PPP6R3: variants seen among roughly 807,000 people sequenced by gnomAD.
The protein encoded by PPP6R3 is serine/threonine-protein phosphatase 6 regulatory subunit 3.
PPP6R3 carries 38 observed loss-of-function variants against 110.7 expected under a neutral mutation model. That is an observed-to-expected ratio of 0.34 (90% CI 0.26 to 0.45). The LOEUF is 0.45. Ranked by LOEUF, PPP6R3 falls within the 20% of genes least tolerant of loss-of-function variation. The probability of loss-of-function intolerance (pLI) is 1.00; values close to 1 mark genes in which losing one functional copy is unlikely to be tolerated. For synonymous variants in PPP6R3, 369 were observed against 373.5 expected (o/e 0.99, Z 0.14); for missense variants, 870 against 1,062.4 (o/e 0.82, Z 2.52).
rs1190682827 is a variant in PPP6R3 at position 68,612,555 on chromosome 11, T to C, written c.2571-511T>C. 2.0e-5 allele frequency among the ~76,000 whole-genome samples: 3 copies of C among 152,004 alleles called. No homozygotes were observed. In the East Asian group the frequency reaches 5.8e-4, roughly 29 times the overall value. ...AGCCTAACATTTGCTTTGTGGGACA[T>C]GTTCTTCAAGTGGACACCTTTTTTT... is the stretch of plus-strand genomic sequence containing the variant. On this transcript the variant is annotated intron_variant, in intron 23 of 23. Coordinates refer to ENST00000393800, the MANE Select transcript of PPP6R3 (RefSeq NM_001164161.2).
rs965135252 is a variant in PPP6R3 at position 68,609,730 on chromosome 11, C to T, written c.2451-174C>T. 4 of 1,555,526 alleles carry T rather than the reference C, an allele frequency of 2.6e-6. No individual in the cohort carries two copies. The East Asian group carries it at 6.7e-5, about 26-fold the overall frequency. On this transcript the variant is annotated intron_variant, in intron 22 of 23. Coordinates refer to ENST00000393800, the MANE Select transcript of PPP6R3 (RefSeq NM_001164161.2). ...TGTGCGACCCTTTCCTTTTGTGATT[C>T]CCCAGTCACTGTCTGTGGTTGTGTG...
intron 3 of PPP6R3, among the ~76,000 whole-genome samples, chr11:68,542,387 C>CTGTTTTTTTTTTT (rs2099321478): frequency 2.4e-4 from 1 of 4,238 alleles, no homozygotes; most frequent in African/African-American, 7.9e-4. Flanking sequence ...TGAGAAGCTG[C>CTGTTTTTTTTTTT]TGTTTTTTTT....
In PPP6R3 at chr11:68,578,191, A is replaced by G. The variant is rs182208677; in HGVS notation, c.1545+2148A>G. Among the ~76,000 whole-genome samples the G allele has an allele frequency of 1.6e-4, 24 of 152,082 alleles. No homozygotes were observed. The East Asian group carries it at 2.1e-3, about 13-fold the overall frequency. Reference sequence around the variant, plus strand: ...TTTAATCGTATCCTCCAGGCCATTCATTTTCCTGTCCAGAATGTGTTCAAG... The same window carrying G: ...TTTAATCGTATCCTCCAGGCCATTCGTTTTCCTGTCCAGAATGTGTTCAAG... On this transcript the variant is annotated intron_variant, in intron 14 of 23. Coordinates refer to ENST00000393800, the MANE Select transcript of PPP6R3 (RefSeq NM_001164161.2).
At chr11:68,521,772 A>G (rs1034740582) in intron 2 of PPP6R3, among the ~76,000 whole-genome samples, 1 of 152,194 alleles carries the variant, frequency 6.6e-6, no homozygotes, top group Non-Finnish European at 1.5e-5. Flanking sequence ...AGGCTTTGTT[A>G]TTGGTGAGAT....
chr11:68,464,398 G>C (rs1486229493), intron 1 of PPP6R3, among the ~76,000 whole-genome samples: 9 of 152,170 alleles, frequency 5.9e-5, no homozygotes, highest in Non-Finnish European at 1.5e-5. Flanking sequence ...CAAAGTGCTG[G>C]GATTACAGGT....
chr11:68,604,531 A>G (rs920393638), intron 22 of PPP6R3, among the ~76,000 whole-genome samples: 5 of 152,250 alleles, frequency 3.3e-5, no homozygotes, highest in Admixed American at 6.5e-5. Flanking sequence ...ATTTGTCTTC[A>G]GCACTGTGCT....
At chr11:68,523,519 TC>T (rs908723413) in intron 2 of PPP6R3, among the ~76,000 whole-genome samples, 10 of 151,602 alleles carry the variant, frequency 6.6e-5, no homozygotes, top group Non-Finnish European at 1.3e-4. Flanking sequence ...TTTTTGTGAG[TC>T]CCCCTCCTCC....
intron 2 of PPP6R3, among the ~76,000 whole-genome samples, chr11:68,520,420 G>A (rs1158488348): frequency 1.3e-5 from 2 of 152,172 alleles, no homozygotes; most frequent in African/African-American, 4.8e-5. Flanking sequence ...TTGTTACCAC[G>A]GCTGCAAAGC....
chr11:68,490,286 A>C (rs2098975589), intron 1 of PPP6R3, among the ~76,000 whole-genome samples: 1 of 152,146 alleles, frequency 6.6e-6, no homozygotes, highest in African/African-American at 2.4e-5. Flanking sequence ...GGTTTCTAAG[A>C]AGTTAGATGT....
In PPP6R3 at chr11:68,614,754, C is replaced by T; in HGVS notation, c.*1637C>T. On this transcript the variant is annotated 3_prime_UTR_variant, in exon 24 of 24. Coordinates refer to ENST00000393800, the MANE Select transcript of PPP6R3 (RefSeq NM_001164161.2). ...AGGAACCCCCTTTCCCGGGTGAGCC[C>T]CTCTCTGAAGAGACTGTCCTTGGGC... The T allele has an allele frequency of 6.5e-7, 1 of 1,538,338 alleles. No individual in the cohort carries two copies. Among genetic ancestry groups the T allele is most frequent in the South Asian group, 1.2e-5 (1 of 82,900 alleles).
intron 2 of PPP6R3, among the ~76,000 whole-genome samples, chr11:68,529,232 T>G (rs972022051): frequency 6.6e-6 from 1 of 152,080 alleles, no homozygotes; most frequent in Non-Finnish European, 1.5e-5. Flanking sequence ...GTGTGTGTGT[T>G]TTTCCAGATG....
intron 4 of PPP6R3, among the ~76,000 whole-genome samples, chr11:68,546,275 G>A (rs1372781390): frequency 6.6e-6 from 1 of 152,144 alleles, no homozygotes; most frequent in Non-Finnish European, 1.5e-5. Context: ...GAGAGTGGAA[G>A]CCATCCTATC....
chr11:68,571,668 C>G (rs2099508037), intron 12 of PPP6R3, among the ~76,000 whole-genome samples: 1 of 152,214 alleles, frequency 6.6e-6, no homozygotes, highest in Non-Finnish European at 1.5e-5. Flanking sequence ...CAGCATTCCT[C>G]TCTAGTGCCC....
Position 68,496,167 on chromosome 11 carries a change from TTTTTC to T in PPP6R3, c.-157-23319_-157-23315del, listed in dbSNP as rs796579364. ...ACCATCTCTGGCTAATTTTTTTGTG[TTTTTC>T]TTTTCTTTTCTTTTTTTTTTTTTGT... On this transcript the variant is annotated intron_variant, in intron 1 of 23. Coordinates refer to ENST00000393800, the MANE Select transcript of PPP6R3 (RefSeq NM_001164161.2). Among the ~76,000 whole-genome samples, 1,067 of 147,684 alleles carry T rather than the reference TTTTTC, an allele frequency of 7.2e-3. 11 individuals carry two copies. Among genetic ancestry groups the T allele is most frequent in the African/African-American group, 0.025 (1,005 of 40,322 alleles).
At chr11:68,472,280 G>A (rs1460731416) in intron 1 of PPP6R3, among the ~76,000 whole-genome samples, 1 of 152,208 alleles carries the variant, frequency 6.6e-6, no homozygotes, top group Non-Finnish European at 1.5e-5. Context: ...GGTGCGTGTG[G>A]TTGTGGTTTA....
chr11:68,540,958 A>G (rs539639601), intron 3 of PPP6R3, among the ~76,000 whole-genome samples: 3 of 152,276 alleles, frequency 2.0e-5, no homozygotes, highest in Admixed American at 6.5e-5. Flanking sequence ...AGTTAAGGCA[A>G]TTATCACATG....
chr11:68,576,292 T>G (rs1225542358), intron 14 of PPP6R3, among the ~76,000 whole-genome samples: 2 of 152,218 alleles, frequency 1.3e-5, no homozygotes, highest in Non-Finnish European at 2.9e-5. Flanking sequence ...CACATCCTAC[T>G]TAGTGTCCAT....
intron 1 of PPP6R3, among the ~76,000 whole-genome samples, chr11:68,467,884 C>T (rs943657382): frequency 6.6e-6 from 1 of 152,236 alleles, no homozygotes; most frequent in African/African-American, 2.4e-5. Context: ...AAGCGATTCT[C>T]CTGCCTCAGC....
intron 3 of PPP6R3, among the ~76,000 whole-genome samples, chr11:68,539,893 G>A (rs1032081940): frequency 6.6e-6 from 1 of 152,226 alleles, no homozygotes; most frequent in Non-Finnish European, 1.5e-5. Context: ...TCAGAGCCAT[G>A]CAGGAATTAA....
Sources: allele counts gnomAD v4.1 joint callset (sites outside exome capture counted in the v4.1 genomes callset), GRCh38; gene constraint gnomAD v4.1.1; transcripts MANE v1.5; gene names NCBI Gene and HGNC (gene_info 2026-07-23, HGNC 2026-07-21).